SLC5A8: variants seen among roughly 807,000 people sequenced by gnomAD.
SLC5A8 encodes solute carrier family 5 member 8.
SLC5A8 carries 55 observed loss-of-function variants against 71.9 expected under a neutral mutation model. That is an observed-to-expected ratio of 0.77 (90% CI 0.62 to 0.96). SLC5A8 has a LOEUF of 0.96. SLC5A8 is among the 40% of genes least tolerant of loss of function. SLC5A8 has a pLI of 0.00. For synonymous variants in SLC5A8, 307 were observed against 276.1 expected (o/e 1.11, Z -1.11); for missense variants, 701 against 745.3 (o/e 0.94, Z 0.69).
intron 5 of SLC5A8, among the ~76,000 whole-genome samples, chr12:101,193,358 G>A (rs1335830005): frequency 6.6e-6 from 1 of 152,044 alleles, no homozygotes; most frequent in Non-Finnish European, 1.5e-5. Flanking sequence ...TTAATACCTG[G>A]AAGAAAATAC....
In SLC5A8 at chr12:101,187,495, A is replaced by C; in HGVS notation, c.854T>G (p.Val285Gly). Residue 285 changes from valine to glycine, a missense_variant, in exon 7 of 15, where the codon GTG becomes GGG. Physicochemically the swap from Val to Gly is moderately radical, Grantham distance 109. Transcript: ENST00000536262. The stretch of plus-strand genomic sequence containing the variant: ...GCATGTGAGGATTGCCCAGAGTCCC[A>C]CAAGATTGATGTAGAGAGACCTAAA... ...QAKLSLYINLVGLWAILTCSV... is the reference protein window; with the variant it reads ...QAKLSLYINLGGLWAILTCSV... The C allele has an allele frequency of 1.2e-6, 2 of 1,613,574 alleles. No individual in the cohort carries two copies. Among genetic ancestry groups the C allele is most frequent in the Non-Finnish European group, 1.7e-6 (2 of 1,179,840 alleles).
In SLC5A8 at chr12:101,162,128, CTACCAGTATATACCAGT is replaced by C. The variant is rs776641083; in HGVS notation, c.1527-68_1527-52del. On this transcript the variant is annotated intron_variant, in intron 12 of 14. Transcript: ENST00000536262. ...AGATTTCATGTAATGCCACTAGCAACTACCAGTATATACCAGTGATTCCCATGGCAAGGTCAAAATAT... is the reference window on the plus strand; with the variant it reads ...AGATTTCATGTAATGCCACTAGCAACGATTCCCATGGCAAGGTCAAAATAT... The C allele has an allele frequency of 3.9e-5, 47 of 1,215,962 alleles. No homozygotes were observed. In the African/African-American group the frequency reaches 6.5e-4, roughly 17 times the overall value. The allele number at this position is 1,215,962 out of a possible 1,614,324, so 75.3% of individuals were successfully genotyped here.
intron 10 of SLC5A8, among the ~76,000 whole-genome samples, chr12:101,175,291 T>C (rs1160398387): frequency 1.3e-5 from 2 of 151,564 alleles, no homozygotes; most frequent in African/African-American, 4.8e-5. Context: ...AATGAAGAAA[T>C]ATAAAATAAA....
At chr12:101,194,417 T>C (rs1218821396) in intron 4 of SLC5A8, among the ~76,000 whole-genome samples, 1 of 152,214 alleles carries the variant, frequency 6.6e-6, no homozygotes, top group Non-Finnish European at 1.5e-5. Context: ...CATGCCATAC[T>C]GATTTTGCAT....
chr12:101,158,459 G>T, intron 13 of SLC5A8, 131 bp from the exon 14 acceptor site: 5 of 521,032 alleles, frequency 9.6e-6, no homozygotes, highest in Non-Finnish European at 9.9e-6. Context: ...AAAGAGAAAG[G>T]GAAACTTAAA....
rs568634110 is a variant in SLC5A8, at chr12:101,187,644, C to T, written c.834-129G>A. On this transcript the variant is annotated intron_variant, in intron 6 of 14. Coordinates refer to ENST00000536262, the MANE Select transcript of SLC5A8 (RefSeq NM_145913.5). ...TAAATGTACATTATCTTTTGATTATCGAAAACTCTACTTATTTTATTCTAG... is the reference window on the plus strand; with the variant it reads ...TAAATGTACATTATCTTTTGATTATTGAAAACTCTACTTATTTTATTCTAG... The T allele has an allele frequency of 5.1e-5, 50 of 974,738 alleles. No individual in the cohort carries two copies. The Admixed American group carries it at 7.2e-4, about 14-fold the overall frequency. The allele number at this position is 974,738 out of a possible 1,614,324, so 60.4% of individuals were successfully genotyped here. A position where few individuals can be genotyped will look rare whatever the true frequency, so the allele number is the denominator to read the frequency against.
chr12:101,194,121 G>C (rs1285638206), intron 4 of SLC5A8, among the ~76,000 whole-genome samples: 2 of 152,126 alleles, frequency 1.3e-5, no homozygotes, highest in South Asian at 4.1e-4. Flanking sequence ...AGAAAAATCC[G>C]AGTCAAATTA....
chr12:101,193,401 A>G (rs12318809), intron 5 of SLC5A8, among the ~76,000 whole-genome samples: 33,029 of 152,120 alleles, frequency 0.22, 4,374 homozygotes, highest in African/African-American at 0.36. Flanking sequence ...TCAGAAGGAA[A>G]CATTGCTCTA....
At chr12:101,182,231 A>G (rs1429831562) in intron 9 of SLC5A8, among the ~76,000 whole-genome samples, 1 of 152,250 alleles carries the variant, frequency 6.6e-6, no homozygotes, top group Non-Finnish European at 1.5e-5. Context: ...CAGACAGAAC[A>G]GACAACTAAG....
Position 101,198,670 on chromosome 12 carries a change from G to A in SLC5A8, c.469+3494C>T, listed in dbSNP as rs557757012. Among the ~76,000 whole-genome samples, 3 of 151,952 alleles carry A rather than the reference G, an allele frequency of 2.0e-5. No individual in the cohort carries two copies. The South Asian group carries it at 6.2e-4, about 32-fold the overall frequency. On this transcript the variant is annotated intron_variant, in intron 3 of 14. Transcript: ENST00000536262. The stretch of plus-strand genomic sequence containing the variant: ...AATCTTTCTACAAAAACAAAGAGTA[G>A]GCCCAGATGCCTTCAGGGTGATTTC...
chr12:101,158,080 G>T (rs564852892), intron 14 of SLC5A8, among the ~76,000 whole-genome samples, 169 bp downstream of exon 14: 1 of 152,152 alleles, frequency 6.6e-6, no homozygotes, highest in South Asian at 2.1e-4. Flanking sequence ...AACAGATATA[G>T]ATCATCATAG....
At position 101,205,222 on chromosome 12, in the gene SLC5A8, C is replaced by T. The variant is rs554242921; in HGVS notation, c.352-657G>A. Reference sequence around the variant, plus strand: ...CTGACAGAGTGGCCTGAAAAGGCTGCCCCGGTTTCTGTCCTTTCCAAGGCT... The same window carrying T: ...CTGACAGAGTGGCCTGAAAAGGCTGTCCCGGTTTCTGTCCTTTCCAAGGCT... On this transcript the variant is annotated intron_variant, in intron 1 of 14. Transcript: ENST00000536262. Among the ~76,000 whole-genome samples the T allele has an allele frequency of 4.6e-5, 7 of 152,174 alleles. No individual in the cohort carries two copies. In the South Asian group the frequency reaches 1.0e-3, roughly 23 times the overall value.
At chr12:101,186,673 T>C (rs1467019207) in intron 7 of SLC5A8, among the ~76,000 whole-genome samples, 2 of 152,188 alleles carry the variant, frequency 1.3e-5, no homozygotes, top group East Asian at 3.8e-4. Flanking sequence ...CTCTCATCTT[T>C]GAAAGGCAGA....
At chr12:101,163,533 G>T (rs2712631) in intron 12 of SLC5A8, among the ~76,000 whole-genome samples, 34,179 of 152,116 alleles carry the variant, frequency 0.22, 4,239 homozygotes, top group East Asian at 0.53. Context: ...ACAAAAATTG[G>T]CCAGGTGTGG....
chr12:101,187,362 T>C (rs192022681), intron 7 of SLC5A8, 24 bp downstream of exon 7: 27 of 1,602,358 alleles, frequency 1.7e-5, no homozygotes, highest in Non-Finnish European at 2.1e-5. Flanking sequence ...TTAATACACC[T>C]GTAAGAAAGA....
In SLC5A8 at chr12:101,210,028, G is replaced by T; in HGVS notation, c.-180C>A. On this transcript the variant is annotated 5_prime_UTR_variant, in exon 1 of 15. It adds an upstream start codon to the 5' untranslated region. Transcript: ENST00000536262. ...CCCCGAGGCGGGGTGAGGGCTGGCA[G>T]TCGCCCCTGCACCCGCCGCTGCGAG... 1.8e-6 allele frequency: 1 copy of T among 550,090 alleles called. No homozygotes were observed. 34.1% of individuals were successfully genotyped at this position (550,090 alleles called of 1,614,324 possible).
chr12:101,195,125 C>G lies in SLC5A8; in HGVS notation c.507G>C (p.Thr169=), dbSNP rs751874728. ...TGCAGTAGAATGTGCAGACCACCCC[C>G]GTTGCCACTACCGCGCCCCACAGAT... ...GFDLWGAVVA[T]GVVCTFYCTL... is the part of the protein sequence containing the mutation. The change falls in exon 4 of 15, where the codon ACG becomes ACC. Residue 169 remains threonine (T), a synonymous_variant. Coordinates refer to ENST00000536262, the MANE Select transcript of SLC5A8 (RefSeq NM_145913.5). The G allele has an allele frequency of 1.2e-6, 2 of 1,613,930 alleles. No individual in the cohort carries two copies. Among genetic ancestry groups the G allele is most frequent in the Admixed American group, 1.7e-5 (1 of 59,992 alleles).
In SLC5A8 at chr12:101,209,952, G is replaced by T; in HGVS notation, c.-104C>A. On this transcript the variant is annotated 5_prime_UTR_variant, in exon 1 of 15. Transcript: ENST00000536262. ...TCCCGGATCCCTGGCGCGCAGGCGTGGCGTCCCGCGGGGACTGGAGGCGTC... is the reference window on the plus strand; with the variant it reads ...TCCCGGATCCCTGGCGCGCAGGCGTTGCGTCCCGCGGGGACTGGAGGCGTC... 9.1e-7 allele frequency: 1 copy of T among 1,100,772 alleles called. No individual in the cohort carries two copies. The highest frequency in any genetic ancestry group is 1.2e-6 in the Non-Finnish European group (1 of 809,730). The allele number at this position is 1,100,772 out of a possible 1,614,324, so 68.2% of individuals were successfully genotyped here.
rs181231645 is a variant in SLC5A8 at position 101,190,367 on chromosome 12, G to A, written c.833+101C>T. On this transcript the variant is annotated intron_variant, in intron 6 of 14. Transcript: ENST00000536262. ...TATCATTTATCTCTTGGAATTTCATGACACAAAAGACATAAAGGAGCTAAA... is the reference window on the plus strand; with the variant it reads ...TATCATTTATCTCTTGGAATTTCATAACACAAAAGACATAAAGGAGCTAAA... 139 of 1,271,242 alleles carry A rather than the reference G, an allele frequency of 1.1e-4. 1 individual carries two copies. In the East Asian group the frequency reaches 3.7e-3, roughly 34 times the overall value. The allele number at this position is 1,271,242 out of a possible 1,614,324, so 78.7% of individuals were successfully genotyped here.
Sources: gnomAD v4.1 joint callset for allele counts (sites outside exome capture counted in the v4.1 genomes callset) on GRCh38, gnomAD v4.1.1 for gene constraint, MANE v1.5 for transcripts, NCBI Gene and HGNC (gene_info 2026-07-23, HGNC 2026-07-21) for gene names.